The following NR1I2 variants were observed in gnomAD, a reference collection of about 807,000 sequenced individuals.
The protein encoded by NR1I2 is orphan nuclear receptor PAR1.
NR1I2 carries 42 observed loss-of-function variants against 43.3 expected under a neutral mutation model. The observed-to-expected ratio is 0.97, with a 90% CI of 0.76 to 1.26. The LOEUF (loss-of-function observed/expected upper bound fraction) is 1.26, where lower values mean the gene tolerates loss of function less well. NR1I2 is among the 50% of genes most tolerant of loss of function. The pLI, the probability that NR1I2 is intolerant of heterozygous loss-of-function variation, is 0.00. For synonymous variants in NR1I2, 229 were observed against 215.0 expected (o/e 1.06, Z -0.57); for missense variants, 559 against 566.7 (o/e 0.99, Z 0.14).
At chr3:119,782,598 A>G (rs2054788896) in intron 1 of NR1I2, 3 of 621,608 alleles carry the variant, frequency 4.8e-6, no homozygotes, top group South Asian at 1.9e-5. Context: ...CACACATACA[A>G]CCAGCTCCCT....
intron 1 of NR1I2, among the ~76,000 whole-genome samples, chr3:119,799,748 G>GGT (rs2055051130): frequency 6.6e-6 from 1 of 152,172 alleles, no homozygotes; most frequent in African/African-American, 2.4e-5. Flanking sequence ...GGGAGGCTGA[G>GGT]GGGCATGGAT....
chr3:119,804,530 C>T (rs1000165620), intron 1 of NR1I2, among the ~76,000 whole-genome samples: 3 of 150,032 alleles, frequency 2.0e-5, no homozygotes, highest in Non-Finnish European at 3.0e-5. Context: ...CTGCAGCCTC[C>T]GCCTCCTGGG....
intron 1 of NR1I2, among the ~76,000 whole-genome samples, chr3:119,796,937 A>C (rs1364699797): frequency 1.3e-5 from 2 of 152,210 alleles, no homozygotes; most frequent in Non-Finnish European, 2.9e-5. Context: ...GAGTTAGTTC[A>C]ACATCAGTGG....
At chr3:119,794,054 G>A (rs1028312554) in intron 1 of NR1I2, among the ~76,000 whole-genome samples, 4 of 152,110 alleles carry the variant, frequency 2.6e-5, no homozygotes, top group Non-Finnish European at 5.9e-5. Flanking sequence ...CTGTCACCCA[G>A]GCTGGAATGC....
At chr3:119,787,657 ATGTGTG>A (rs3030846) in intron 1 of NR1I2, among the ~76,000 whole-genome samples, 20,381 of 128,260 alleles carry the variant, frequency 0.16, 1,660 homozygotes, top group East Asian at 0.25. Context: ...TGCTATTAAT[ATGTGTG>A]TGTGTGTGTG....
intron 2 of NR1I2, among the ~76,000 whole-genome samples, chr3:119,809,748 G>A (rs952982809): frequency 3.9e-5 from 6 of 152,188 alleles, no homozygotes; most frequent in Non-Finnish European, 7.4e-5. Flanking sequence ...CGCTGAGGAT[G>A]GGCCTGGAGA....
At chr3:119,808,515 G>C (rs1056740947) in intron 2 of NR1I2, among the ~76,000 whole-genome samples, 6 of 152,246 alleles carry the variant, frequency 3.9e-5, no homozygotes, top group Non-Finnish European at 7.3e-5. Flanking sequence ...GTCTGCACCA[G>C]CTCCAGATGC....
chr3:119,807,677 C>A (rs1320826929), intron 2 of NR1I2, among the ~76,000 whole-genome samples: 5 of 152,248 alleles, frequency 3.3e-5, no homozygotes, highest in Non-Finnish European at 5.9e-5. Flanking sequence ...CCCTTGGTTT[C>A]TCCATGTGCT....
At chr3:119,791,179 T>C (rs577993212) in intron 1 of NR1I2, among the ~76,000 whole-genome samples, 9 of 152,146 alleles carry the variant, frequency 5.9e-5, no homozygotes, top group Non-Finnish European at 1.0e-4. Flanking sequence ...TAGAAGAGGA[T>C]CTAAATGGGC....
intron 1 of NR1I2, among the ~76,000 whole-genome samples, chr3:119,799,572 G>T (rs975849307): frequency 6.6e-6 from 1 of 151,436 alleles, no homozygotes; most frequent in Non-Finnish European, 1.5e-5. Context: ...TATTTTTTCT[G>T]ATTAAAAAAC....
chr3:119,791,881 G>T, intron 1 of NR1I2: 1 of 603,680 alleles, frequency 1.7e-6, no homozygotes, highest in Non-Finnish European at 3.2e-6. Context: ...GTTGCAGAAG[G>T]CATGGTGAAC....
intron 1 of NR1I2, among the ~76,000 whole-genome samples, chr3:119,794,424 G>A (rs959518613): frequency 1.3e-5 from 2 of 151,140 alleles, no homozygotes; most frequent in African/African-American, 4.9e-5. Flanking sequence ...GAACTCCTGG[G>A]CTCAAGTGAT....
chr3:119,817,089 G>A lies in NR1I2; in HGVS notation c.1182G>A (p.Met394Ile). ...GCAGGTTCTTGTTCCTGAAGATCAT[G>A]GCTATGCTCACCGAGCTCCGCAGCA... Residue 394 changes from methionine to isoleucine, a missense_variant, in exon 9 of 9, where the codon ATG becomes ATA. Met to Ile is a conservative substitution (Grantham distance 10). Transcript: ENST00000393716. The A allele has an allele frequency of 2.5e-6, 4 of 1,614,158 alleles. No homozygotes were observed. The East Asian group carries it at 6.7e-5, about 27-fold the overall frequency.
At chr3:119,809,204 G>T (rs1209979336) in intron 2 of NR1I2, among the ~76,000 whole-genome samples, 1 of 152,198 alleles carries the variant, frequency 6.6e-6, no homozygotes, top group Non-Finnish European at 1.5e-5. Context: ...CCATCCAGCT[G>T]TGGAGATGGG....
At chr3:119,783,438 T>C (rs897347442) in intron 1 of NR1I2, among the ~76,000 whole-genome samples, 6 of 151,946 alleles carry the variant, frequency 3.9e-5, no homozygotes, top group Admixed American at 3.9e-4. Context: ...AGCTGATTCA[T>C]TGAGTCAGCA....
chr3:119,817,289 A>C lies in NR1I2; in HGVS notation c.*77A>C. 6.2e-7 allele frequency: 1 copy of C among 1,605,308 alleles called. No homozygotes were observed. Among genetic ancestry groups the C allele is most frequent in the Admixed American group, 1.7e-5 (1 of 59,922 alleles). ...TGAGCCGCCACTCCCGGGCCAAGAC[A>C]GATGGACACTGCCAAGAGCCGACAA... On this transcript the variant is annotated 3_prime_UTR_variant, in exon 9 of 9. Coordinates refer to ENST00000393716, the MANE Select transcript of NR1I2 (RefSeq NM_003889.4).
intron 1 of NR1I2, chr3:119,782,707 T>G: frequency 7.3e-7 from 1 of 1,360,636 alleles, no homozygotes; most frequent in Admixed American, 1.7e-5. Flanking sequence ...CCTGATTCCT[T>G]TTGGCCTGCT....
Position 119,818,320 on chromosome 3 carries a change from A to G in NR1I2, c.*1108A>G. On this transcript the variant is annotated 3_prime_UTR_variant, in exon 9 of 9. Transcript: ENST00000393716. Reference sequence around the variant, plus strand: ...TATTCTCAAAGCTAAAGGGTATGAAAGTGCCTGCCTTGTTTATAGCCACTT... The same window carrying G: ...TATTCTCAAAGCTAAAGGGTATGAAGGTGCCTGCCTTGTTTATAGCCACTT... The G allele has an allele frequency of 1.0e-6, 1 of 985,452 alleles. No individual in the cohort carries two copies. The highest frequency in any genetic ancestry group is 1.2e-6 in the Non-Finnish European group (1 of 829,934). 61.0% of individuals were successfully genotyped at this position (985,452 alleles called of 1,614,324 possible).
intron 1 of NR1I2, among the ~76,000 whole-genome samples, chr3:119,797,184 A>ATGTGTGTGTGTGTGTG (rs1401966538): frequency 4.0e-5 from 1 of 24,996 alleles, no homozygotes; most frequent in African/African-American, 1.2e-4. Flanking sequence ...CTGCACAAAG[A>ATGTGTGTGTGTGTGTG]TATGTGTGTG....
Sources: gnomAD v4.1 joint callset for allele counts (sites outside exome capture counted in the v4.1 genomes callset) on GRCh38, gnomAD v4.1.1 for gene constraint, MANE v1.5 for transcripts, NCBI Gene and HGNC (gene_info 2026-07-23, HGNC 2026-07-21) for gene names.